WNK1: variants seen among roughly 807,000 people sequenced by gnomAD.
The protein encoded by WNK1 is WNK lysine deficient protein kinase 1.
Under a neutral mutation model 222.8 loss-of-function variants are expected in WNK1, and 38 were observed. That is an observed-to-expected ratio of 0.17 (90% CI 0.13 to 0.22). The LOEUF is 0.22. WNK1 is among the 10% of genes least tolerant of loss of function. The probability of loss-of-function intolerance (pLI) is 1.00; values close to 1 mark genes in which losing one functional copy is unlikely to be tolerated. For synonymous variants in WNK1, 1,090 were observed against 1,092.9 expected (o/e 1.00, Z 0.05); for missense variants, 2,348 against 2,918.4 (o/e 0.80, Z 4.50).
chr12:905,513 T>G (rs1955619244), intron 26 of WNK1, among the ~76,000 whole-genome samples: 1 of 152,206 alleles, frequency 6.6e-6, no homozygotes, highest in South Asian at 2.1e-4. Context: ...TGGTCACGCC[T>G]CCTGAGCTTC....
rs780974617 is a variant in WNK1, at chr12:830,115, C to T, written c.1266C>T (p.Tyr422=). 1 of 1,614,150 alleles carries T rather than the reference C, an allele frequency of 6.2e-7. No individual in the cohort carries two copies. Among genetic ancestry groups the T allele is most frequent in the Non-Finnish European group, 8.5e-7 (1 of 1,180,016 alleles). ...AGATGGCTACATCTGAATATCCTTA[C>T]TCGGAGTGCCAAAATGCTGCACAGA... The part of the protein sequence containing the change: ...MLEMATSEYP[Y]SECQNAAQIY... The change falls in exon 4 of 28, where the codon TAC becomes TAT. Residue 422 remains tyrosine, a synonymous_variant. Transcript: ENST00000315939.
chr12:771,932 G>C (rs899138308), intron 1 of WNK1, among the ~76,000 whole-genome samples: 2 of 151,956 alleles, frequency 1.3e-5, no homozygotes, highest in Admixed American at 6.6e-5. Context: ...TTACAGGCTT[G>C]AGAAACCCTC....
At chr12:797,008 C>T (rs1591744102) in intron 1 of WNK1, among the ~76,000 whole-genome samples, 1 of 152,298 alleles carries the variant, frequency 6.6e-6, no homozygotes, top group East Asian at 1.9e-4. Context: ...CCAATCTTCT[C>T]TCCTACCATC....
At chr12:770,275 G>A (rs892052793) in intron 1 of WNK1, among the ~76,000 whole-genome samples, 105 of 152,204 alleles carry the variant, frequency 6.9e-4, no homozygotes, top group African/African-American at 2.5e-3. Context: ...CGCCCGGCCA[G>A]GAATTAAGTT....
At chr12:834,768 G>C (rs1329824752) in intron 4 of WNK1, among the ~76,000 whole-genome samples, 2 of 152,088 alleles carry the variant, frequency 1.3e-5, no homozygotes, top group East Asian at 3.9e-4. Context: ...TGAAATATGA[G>C]TTGTCATCTT....
chr12:811,515 C>A (rs1946903867), intron 1 of WNK1, among the ~76,000 whole-genome samples: 1 of 152,040 alleles, frequency 6.6e-6, no homozygotes, highest in South Asian at 2.1e-4. Flanking sequence ...CAACATTTTT[C>A]TGAGGATTAA....
In WNK1 at chr12:868,838, A is replaced by G. The variant is rs767548043; in HGVS notation, c.2140-2427A>G. The G allele has an allele frequency of 7.4e-6, 12 of 1,613,946 alleles. No individual in the cohort carries two copies. Among genetic ancestry groups the G allele is most frequent in the South Asian group, 2.2e-5 (2 of 91,090 alleles). ...ATTGACCGTTTCTGTGGTAGAGCCT[A>G]TCGGACAGAACTGGCCAATAGGAAG... On this transcript the variant is annotated intron_variant, in intron 8 of 27. Coordinates refer to ENST00000315939, the MANE Select transcript of WNK1 (RefSeq NM_018979.4).
Position 868,002 on chromosome 12 carries a change from G to A in WNK1, c.2140-3263G>A, listed in dbSNP as rs765108175. ...CCACCGAAAGTAGCCATTTCCCAGC[G>A]GCGTAAGAGCACCTCCTTCCTGGAA... On this transcript the variant is annotated intron_variant, in intron 8 of 27. Transcript: ENST00000315939. The A allele has an allele frequency of 2.7e-5, 43 of 1,613,692 alleles. No homozygotes were observed. The highest frequency in any genetic ancestry group is 3.1e-5 in the Non-Finnish European group (37 of 1,179,886).
chr12:756,797 G>A (rs541415239), intron 1 of WNK1, among the ~76,000 whole-genome samples: 284 of 152,258 alleles, frequency 1.9e-3, no homozygotes, highest in Middle Eastern at 0.01. Context: ...AAACTTTTTC[G>A]CTAAATCTAT....
At chr12:813,585 G>C in intron 1 of WNK1, 57 bp from the exon 2 acceptor site, 2 of 1,565,596 alleles carry the variant, frequency 1.3e-6, no homozygotes. Context: ...AAGATTAACT[G>C]TCTGATTTGG....
chr12:816,527 C>A (rs1028213735), intron 2 of WNK1, among the ~76,000 whole-genome samples: 1 of 151,930 alleles, frequency 6.6e-6, no homozygotes, highest in Non-Finnish European at 1.5e-5. Flanking sequence ...CTGATTTGGC[C>A]TCATCCCGAT....
chr12:806,871 T>G (rs529898946), intron 1 of WNK1, among the ~76,000 whole-genome samples: 1 of 152,346 alleles, frequency 6.6e-6, no homozygotes, highest in East Asian at 1.9e-4. Context: ...TATTGTATAT[T>G]TTTATGTACA....
chr12:866,261 T>A (rs1442969087), intron 8 of WNK1, among the ~76,000 whole-genome samples: 1 of 152,214 alleles, frequency 6.6e-6, no homozygotes, highest in African/African-American at 2.4e-5. Context: ...GAACAGTTGA[T>A]CTACTTTGCC....
In WNK1 at chr12:880,925, C is replaced by G. The variant is rs777291667; in HGVS notation, c.3037C>G (p.Gln1013Glu). Residue 1013 changes from glutamine (Q) to glutamate (E), a missense_variant, in exon 12 of 28, where the codon CAG (glutamine) becomes GAG (glutamate). By Grantham distance (29) the Gln-to-Glu change is conservative (BLOSUM62 2). Around this residue, in one of 13 missense-constraint regions of WNK1, gnomAD observed 547 missense variants for 558.3 expected, o/e 0.98. Transcript: ENST00000315939. ...AGTTCCTATGGGTGGTGTAGGAGGA[C>G]AGGTTCAAGTGTCCCAGCCAGGAGG... ...LLVPMGGVGG[Q>E]VQVSQPGGSL... is the part of the protein sequence containing the mutation. 5.0e-6 allele frequency: 8 copies of G among 1,614,148 alleles called. No homozygotes were observed. The highest frequency in any genetic ancestry group is 1.3e-5 in the African/African-American group (1 of 75,030).
chr12:854,906 A>G lies in WNK1; in HGVS notation c.1312-2255A>G, dbSNP rs1055171203. 2.2e-4 allele frequency among the ~76,000 whole-genome samples: 33 copies of G among 152,166 alleles called. 1 individual carries two copies. The highest frequency in any genetic ancestry group is 1.8e-3 in the Admixed American group (28 of 15,274). ...GCTATGTAAGCAGTTGTTATACTGT[A>G]TTGTTTAGATAATAATGACAGGGAA... On this transcript the variant is annotated intron_variant, in intron 4 of 27. Transcript: ENST00000315939.
chr12:796,569 C>T (rs1945332530), intron 1 of WNK1, among the ~76,000 whole-genome samples: 1 of 152,206 alleles, frequency 6.6e-6, no homozygotes, highest in Non-Finnish European at 1.5e-5. Flanking sequence ...AGCCACTGCG[C>T]CCAGCTGAAA....
chr12:758,002 T>C (rs1475231137), intron 1 of WNK1, among the ~76,000 whole-genome samples: 4 of 134,792 alleles, frequency 3.0e-5, no homozygotes, highest in Admixed American at 7.6e-5. Context: ...ACCACTGCAC[T>C]CCAGCCTGGG....
rs1555166047 is a variant in WNK1, at chr12:911,031, G to GTTAT, written c.*2242_*2245dup. On this transcript the variant is annotated 3_prime_UTR_variant, in exon 28 of 28. Coordinates refer to ENST00000315939, the MANE Select transcript of WNK1 (RefSeq NM_018979.4). ...AGCCTCATGCAGCACATTATCATTT[G>GTTAT]TTATTTGGGTTTAATAATAATTTTG... 1 of 329,582 alleles carries GTTAT rather than the reference G, an allele frequency of 3.0e-6. No homozygotes were observed. The highest frequency in any genetic ancestry group is 5.4e-6 in the Non-Finnish European group (1 of 184,510). 20.4% of individuals were successfully genotyped at this position (329,582 alleles called of 1,614,324 possible). A position where few individuals can be genotyped will look rare whatever the true frequency, so the allele number is the denominator to read the frequency against.
rs762200146 is a variant in WNK1, at chr12:896,591, A to T, written c.6104A>T (p.Gln2035Leu). 3 of 1,610,716 alleles carry T rather than the reference A, an allele frequency of 1.9e-6. No homozygotes were observed. Among genetic ancestry groups the T allele is most frequent in the Non-Finnish European group, 2.5e-6 (3 of 1,178,304 alleles). ...DGSGSPHSPH[Q>L]LSSKSLPSQN... ...TCCGGTAGTCCACACTCGCCCCATC[A>T]GCTGAGCTCAAAGAGCCTTCCTAGC... is the stretch of plus-strand genomic sequence containing the variant. The change falls in exon 24 of 28, where the codon CAG (glutamine) becomes CTG (leucine). Residue 2035 changes from glutamine to leucine, a missense_variant. Coordinates refer to ENST00000315939, the MANE Select transcript of WNK1 (RefSeq NM_018979.4).
Sources: gnomAD v4.1 joint callset for allele counts (sites outside exome capture counted in the v4.1 genomes callset) on GRCh38, gnomAD v4.1.1 for gene constraint, gnomAD v4.1.1 regional missense constraint, MANE v1.5 for transcripts, NCBI Gene and HGNC (gene_info 2026-07-23, HGNC 2026-07-21) for gene names.